PSD3: variants seen among roughly 807,000 people sequenced by gnomAD.
The protein encoded by PSD3 is PH and SEC7 domain-containing protein 3.
Under a neutral mutation model 105.5 loss-of-function variants are expected in PSD3, and 49 were observed. That is an observed-to-expected ratio of 0.46 (90% confidence interval 0.37 to 0.59). The LOEUF (loss-of-function observed/expected upper bound fraction) is 0.59, where lower values mean the gene tolerates loss of function less well. Among genes scored for constraint, PSD3 ranks in the 20% least tolerant of loss-of-function variants. The pLI is 0.00. For missense variants in PSD3, 1,561 were observed against 1,263.8 expected, an observed-to-expected ratio of 1.24 and a Z score of -3.57; for synonymous variants, 557 against 457.8, an observed-to-expected ratio of 1.22 and a Z score of -2.77.
chr8:18,721,600 C>G (rs763618975), intron 9 of PSD3, among the ~76,000 whole-genome samples: 14 of 152,216 alleles, frequency 9.2e-5, no homozygotes, highest in Non-Finnish European at 1.5e-5. Flanking sequence ...GGCCATGAAG[C>G]TGTGTAACAA....
upstream of PSD3, among the ~76,000 whole-genome samples, chr8:19,015,425 A>G (rs1384284875): frequency 6.6e-6 from 1 of 152,080 alleles, no homozygotes; most frequent in Non-Finnish European, 1.5e-5. Flanking sequence ...ATCTCCCTTT[A>G]CCCTTGCGTA....
intron 4 of PSD3, among the ~76,000 whole-genome samples, chr8:18,830,857 T>C (rs544077631): frequency 6.6e-6 from 1 of 152,286 alleles, no homozygotes; most frequent in South Asian, 2.1e-4. Context: ...ACAGAGCATC[T>C]TGGGGAAAGG....
At chr8:18,987,343 A>C (rs1470617471) in intron 1 of PSD3, among the ~76,000 whole-genome samples, 3 of 151,172 alleles carry the variant, frequency 2.0e-5, no homozygotes, top group Non-Finnish European at 4.4e-5. Flanking sequence ...GCTAGAGTGC[A>C]GTGGCGCAAT....
At chr8:18,625,469 A>G (rs1285168530) in intron 11 of PSD3, among the ~76,000 whole-genome samples, 1 of 152,102 alleles carries the variant, frequency 6.6e-6, no homozygotes, top group Non-Finnish European at 1.5e-5. Context: ...CAACCAGAAA[A>G]TGCCTACATC....
intron 9 of PSD3, among the ~76,000 whole-genome samples, chr8:18,759,091 C>T (rs185970686): frequency 6.5e-4 from 98 of 150,728 alleles, no homozygotes; most frequent in Non-Finnish European, 1.2e-3. Context: ...CACACACACA[C>T]ACTCTCTCTC....
intron 9 of PSD3, among the ~76,000 whole-genome samples, chr8:18,670,826 C>T (rs1799744002): frequency 6.6e-6 from 1 of 152,158 alleles, no homozygotes; most frequent in African/African-American, 2.4e-5. Context: ...ATACACACAA[C>T]CCCACCGACA....
intron 4 of PSD3, among the ~76,000 whole-genome samples, chr8:18,823,072 G>C (rs1441657514): frequency 6.9e-6 from 1 of 144,016 alleles, no homozygotes; most frequent in Non-Finnish European, 1.5e-5. Context: ...TATAAAGAAG[G>C]AGGAAAAGGG....
At chr8:18,935,608 G>T (rs1292679335) in intron 2 of PSD3, among the ~76,000 whole-genome samples, 2 of 151,374 alleles carry the variant, frequency 1.3e-5, no homozygotes, top group East Asian at 3.9e-4. Flanking sequence ...GAGGCAGAAG[G>T]ATCATTTGAG....
chr8:19,075,113 T>C (rs909256684), intron 1 of PSD3, among the ~76,000 whole-genome samples: 4 of 151,776 alleles, frequency 2.6e-5, no homozygotes, highest in Non-Finnish European at 5.9e-5. Flanking sequence ...GCCCGGCTAA[T>C]ATTTTTGTAT....
chr8:18,559,723 T>TCA (rs1218292499), intron 14 of PSD3, among the ~76,000 whole-genome samples: 1 of 152,218 alleles, frequency 6.6e-6, no homozygotes, highest in Non-Finnish European at 1.5e-5. Context: ...TCTTGAATAT[T>TCA]CAAATGTCTC....
At chr8:18,970,690 C>T (rs1029256484) in intron 1 of PSD3, among the ~76,000 whole-genome samples, 6 of 152,032 alleles carry the variant, frequency 3.9e-5, no homozygotes, top group Non-Finnish European at 7.4e-5. Context: ...TGCGGTGGTT[C>T]GTGCCTATAA....
At chr8:19,028,577 C>T (rs905658262) in intron 1 of PSD3, among the ~76,000 whole-genome samples, 6 of 152,090 alleles carry the variant, frequency 3.9e-5, no homozygotes, top group Admixed American at 2.6e-4. Context: ...ATTCTTTATA[C>T]ATCCTGGATA....
intron 6 of PSD3, 73 bp downstream of exon 6, chr8:18,804,449 G>A: frequency 7.8e-7 from 1 of 1,288,682 alleles, no homozygotes; most frequent in African/African-American, 1.5e-5. Flanking sequence ...ATTCTAGCTA[G>A]AAGACATTAC....
chr8:18,844,703 T>C (rs1191621040), intron 4 of PSD3, among the ~76,000 whole-genome samples: 1 of 152,146 alleles, frequency 6.6e-6, no homozygotes, highest in Non-Finnish European at 1.5e-5. Flanking sequence ...AAAAATAAGA[T>C]TATTAGAAAA....
At chr8:18,997,738 G>A (rs561807631) in intron 1 of PSD3, among the ~76,000 whole-genome samples, 1 of 150,876 alleles carries the variant, frequency 6.6e-6, no homozygotes, top group East Asian at 2.0e-4. Flanking sequence ...CTCTGCCTCA[G>A]GGCTCTGCAC....
intron 12 of PSD3, among the ~76,000 whole-genome samples, chr8:18,595,695 G>T (rs550897203): frequency 2.0e-5 from 3 of 152,014 alleles, no homozygotes; most frequent in African/African-American, 7.2e-5. Context: ...ATAATAATGA[G>T]TCAATTCACC....
At position 18,806,272 on chromosome 8, in the gene PSD3, C is replaced by T. The variant is rs186700557; in HGVS notation, c.1635-1374G>A. Among the ~76,000 whole-genome samples, 4 of 152,176 alleles carry T rather than the reference C, an allele frequency of 2.6e-5. 1 individual carries two copies. The highest frequency in any genetic ancestry group is 4.2e-4 in the South Asian group (2 of 4,816). ...TTGTTTTTGCACCATAAGATATCAACGCAGTGAAAAACAAAAATAGTGTTA... is the reference window on the plus strand; with the variant it reads ...TTGTTTTTGCACCATAAGATATCAATGCAGTGAAAAACAAAAATAGTGTTA... On this transcript the variant is annotated intron_variant, in intron 4 of 15. Coordinates refer to ENST00000327040, the MANE Select transcript of PSD3 (RefSeq NM_015310.4).
chr8:19,042,039 AAAC>A (rs1828141553), intron 1 of PSD3, among the ~76,000 whole-genome samples: 3 of 152,216 alleles, frequency 2.0e-5, no homozygotes, highest in African/African-American at 7.2e-5. Flanking sequence ...TTAAGAGAAA[AAAC>A]AATTTATCTT....
intron 2 of PSD3, among the ~76,000 whole-genome samples, chr8:18,932,096 C>G (rs1338227781): frequency 6.6e-6 from 1 of 152,220 alleles, no homozygotes; most frequent in South Asian, 2.1e-4. Context: ...GGTTTCCTAA[C>G]AGCTAAACAC....
Sources: gnomAD v4.1 joint callset for allele counts (sites outside exome capture counted in the v4.1 genomes callset) on GRCh38, gnomAD v4.1.1 for gene constraint, MANE v1.5 for transcripts, NCBI Gene and HGNC (gene_info 2026-07-23, HGNC 2026-07-21) for gene names.